FRAS1: variants seen among roughly 807,000 people sequenced by gnomAD.
FRAS1 encodes the protein extracellular matrix organizing protein FRAS1.
FRAS1 carries 290 observed loss-of-function variants against 435.2 expected under a neutral mutation model. The observed-to-expected ratio is 0.67, with a 90% CI of 0.61 to 0.73. The LOEUF (loss-of-function observed/expected upper bound fraction) is 0.73, where lower values mean the gene tolerates loss of function less well. FRAS1 is among the 30% of genes least tolerant of loss of function. The pLI, the probability that FRAS1 is intolerant of heterozygous loss-of-function variation, is 0.00. For synonymous variants in FRAS1, 1,800 were observed against 1,851.0 expected (o/e 0.97, Z 0.71); for missense variants, 4,860 against 5,001.5 (o/e 0.97, Z 0.85).
At chr4:78,289,107 T>C (rs1184228370) in intron 14 of FRAS1, among the ~76,000 whole-genome samples, 1 of 152,196 alleles carries the variant, frequency 6.6e-6, no homozygotes, top group Non-Finnish European at 1.5e-5. Flanking sequence ...TTCACTATGT[T>C]GAATAAAGGG....
chr4:78,373,536 GGGAGGC>G (rs1560688471), intron 24 of FRAS1, among the ~76,000 whole-genome samples: 1 of 150,998 alleles, frequency 6.6e-6, no homozygotes, highest in African/African-American at 2.4e-5. Flanking sequence ...CCAACAGTTT[GGGAGGC>G]GGAGGCAGAC....
chr4:78,344,310 T>C (rs918485404), intron 20 of FRAS1, among the ~76,000 whole-genome samples: 1 of 152,114 alleles, frequency 6.6e-6, no homozygotes, highest in African/African-American at 2.4e-5. Flanking sequence ...TTTGAATGCA[T>C]TTTACCATTT....
chr4:78,456,964 T>A (rs1052896034), intron 47 of FRAS1, among the ~76,000 whole-genome samples: 1 of 152,180 alleles, frequency 6.6e-6, no homozygotes, highest in Non-Finnish European at 1.5e-5. Flanking sequence ...CTCATTTCAG[T>A]CTCACCCCAC....
In FRAS1 at chr4:78,260,179, A is replaced by C. The variant is rs1261745544; in HGVS notation, c.603+4804A>C. Among the ~76,000 whole-genome samples the C allele has an allele frequency of 2.0e-5, 3 of 151,826 alleles. No homozygotes were observed. In the South Asian group the frequency reaches 6.3e-4, roughly 32 times the overall value. Reference sequence around the variant, plus strand: ...TCTTTTGGCTTAGGATTGACTTGGCAATGCGGGCTCTTTTTTGGTTCCATA... The same window carrying C: ...TCTTTTGGCTTAGGATTGACTTGGCCATGCGGGCTCTTTTTTGGTTCCATA... On this transcript the variant is annotated intron_variant, in intron 6 of 73. Coordinates refer to ENST00000512123, the MANE Select transcript of FRAS1 (RefSeq NM_025074.7).
intron 56 of FRAS1, among the ~76,000 whole-genome samples, chr4:78,480,674 C>T (rs1719985236): frequency 6.6e-6 from 1 of 152,216 alleles, no homozygotes; most frequent in African/African-American, 2.4e-5. Context: ...GTCACTTTCA[C>T]ATGGTATTTC....
chr4:78,324,641 G>A (rs405843), intron 18 of FRAS1, among the ~76,000 whole-genome samples: 5,774 of 151,406 alleles, frequency 0.038, 367 homozygotes, highest in African/African-American at 0.13. Context: ...AGGGATCCTG[G>A]GTTCTAATAT....
At chr4:78,281,688 C>G (rs114040134) in intron 11 of FRAS1, among the ~76,000 whole-genome samples, 1 of 152,118 alleles carries the variant, frequency 6.6e-6, no homozygotes, top group Non-Finnish European at 1.5e-5. Context: ...GATTCTTTCC[C>G]TTTCTTGTGA....
At chr4:78,441,359 C>T in intron 41 of FRAS1, 62 bp downstream of exon 41, 2 of 1,482,612 alleles carry the variant, frequency 1.3e-6, no homozygotes, top group Non-Finnish European at 1.8e-6. Flanking sequence ...GGAGGAGGAC[C>T]TTGCTTCCAG....
At chr4:78,356,593 CT>C (rs1243668254) in intron 20 of FRAS1, among the ~76,000 whole-genome samples, 1 of 152,114 alleles carries the variant, frequency 6.6e-6, no homozygotes, top group African/African-American at 2.4e-5. Flanking sequence ...GCATAAGCCC[CT>C]TGAGAACAAT....
At chr4:78,182,254 G>A (rs2110052438) in intron 2 of FRAS1, among the ~76,000 whole-genome samples, 1 of 152,356 alleles carries the variant, frequency 6.6e-6, no homozygotes, top group African/African-American at 2.4e-5. Flanking sequence ...AGGGGCAACC[G>A]TGTTGTGGTT....
chr4:78,093,902 C>G (rs1305989911), intron 2 of FRAS1, among the ~76,000 whole-genome samples: 3 of 152,008 alleles, frequency 2.0e-5, no homozygotes, highest in Non-Finnish European at 2.9e-5. Flanking sequence ...TTAATAGATT[C>G]TATATTATGT....
chr4:78,103,149 G>A (rs1025031768), intron 2 of FRAS1, among the ~76,000 whole-genome samples: 1 of 152,212 alleles, frequency 6.6e-6, no homozygotes. Context: ...TCAACACCAT[G>A]AAAGGACTGG....
At chr4:78,374,322 A>G in intron 25 of FRAS1, 71 bp downstream of exon 25, 1 of 1,403,664 alleles carries the variant, frequency 7.1e-7, no homozygotes. Context: ...GCTGACTCTC[A>G]GGTATCCAAG....
chr4:78,484,975 C>T (rs780637365), intron 58 of FRAS1, among the ~76,000 whole-genome samples: 3 of 152,142 alleles, frequency 2.0e-5, no homozygotes, highest in Non-Finnish European at 2.9e-5. Context: ...TTCAGCTATA[C>T]GTTTTATTCT....
At chr4:78,202,784 C>T (rs1430761284) in intron 2 of FRAS1, among the ~76,000 whole-genome samples, 2 of 152,230 alleles carry the variant, frequency 1.3e-5, no homozygotes, top group Admixed American at 1.3e-4. Context: ...TTTTATCAAG[C>T]TCCCAAGCTC....
chr4:78,151,768 T>C (rs1008935067), intron 2 of FRAS1, among the ~76,000 whole-genome samples: 1 of 152,194 alleles, frequency 6.6e-6, no homozygotes, highest in Non-Finnish European at 1.5e-5. Context: ...TCTCTCATAA[T>C]AGAGAATGTC....
intron 2 of FRAS1, among the ~76,000 whole-genome samples, chr4:78,167,371 A>G (rs535712188): frequency 1.2e-4 from 18 of 151,650 alleles, no homozygotes; most frequent in Admixed American, 9.8e-4. Context: ...CATTCTTGAG[A>G]TGAAGGTTAA....
intron 53 of FRAS1, 27 bp downstream of exon 53, chr4:78,473,624 T>A: frequency 3.3e-6 from 5 of 1,537,576 alleles, no homozygotes; most frequent in Non-Finnish European, 4.4e-6. Flanking sequence ...GCTTTCCTTC[T>A]TGAGAAATCA....
chr4:78,089,582 T>A (rs1448885045), intron 2 of FRAS1, among the ~76,000 whole-genome samples: 1 of 152,170 alleles, frequency 6.6e-6, no homozygotes, highest in Non-Finnish European at 1.5e-5. Flanking sequence ...GTTTTTAATT[T>A]TCCTCTGGCT....
Sources: allele counts gnomAD v4.1 joint callset (sites outside exome capture counted in the v4.1 genomes callset), GRCh38; gene constraint gnomAD v4.1.1; transcripts MANE v1.5; gene names NCBI Gene and HGNC (gene_info 2026-07-23, HGNC 2026-07-21).